The following PUS7 variants were observed in gnomAD, a reference collection of about 807,000 sequenced individuals.
PUS7 encodes the protein pseudouridine synthase 7, also known as pseudouridylate synthase 7 homolog.
A neutral mutation model predicts 79.8 loss-of-function variants in PUS7; 48 were observed. The ratio of observed to expected loss-of-function variants is 0.60; its 90% CI spans 0.48 to 0.76. The LOEUF (loss-of-function observed/expected upper bound fraction) is 0.76. Among genes scored for constraint, PUS7 ranks in the 30% least tolerant of loss-of-function variants. The probability of loss-of-function intolerance (pLI) is 0.00; values close to 1 mark genes in which losing one functional copy is unlikely to be tolerated. For synonymous variants in PUS7, 286 were observed against 272.2 expected (o/e 1.05, Z -0.50); for missense variants, 729 against 797.6 (o/e 0.91, Z 1.04).
intron 1 of PUS7, among the ~76,000 whole-genome samples, chr7:105,515,572 T>C (rs1203859305): frequency 6.6e-6 from 1 of 152,210 alleles, no homozygotes; most frequent in African/African-American, 2.4e-5. Flanking sequence ...CTAAACTCAC[T>C]TTTAAATTTC....
chr7:105,482,490 A>G, intron 7 of PUS7, 50 bp from the exon 8 acceptor site: 1 of 1,523,412 alleles, frequency 6.6e-7, no homozygotes, highest in South Asian at 1.2e-5. Context: ...TAGAAAGAGG[A>G]TCATGAGATA....
intron 5 of PUS7, among the ~76,000 whole-genome samples, chr7:105,498,499 G>T (rs1320001918): frequency 1.3e-5 from 2 of 152,192 alleles, no homozygotes; most frequent in African/African-American, 4.8e-5. Context: ...TCCCAGTCTA[G>T]CAGAAATGGA....
chr7:105,476,086 T>C (rs551033021), intron 9 of PUS7, among the ~76,000 whole-genome samples: 63 of 129,606 alleles, frequency 4.9e-4, no homozygotes, highest in Admixed American at 1.1e-3. Flanking sequence ...ATGGCGCCAC[T>C]GCACTCCAGC....
At chr7:105,473,974 T>C (rs1249450547) in intron 9 of PUS7, among the ~76,000 whole-genome samples, 2 of 152,258 alleles carry the variant, frequency 1.3e-5, no homozygotes, top group African/African-American at 2.4e-5. Flanking sequence ...TATAAGTGTA[T>C]GTAATTCTTC....
rs552629006 is a variant in PUS7 at position 105,474,657 on chromosome 7, T to C, written c.1176-2464A>G. 1.0e-3 allele frequency among the ~76,000 whole-genome samples: 152 copies of C among 150,602 alleles called. 1 individual carries two copies. The highest frequency in any genetic ancestry group is 1.7e-3 in the Non-Finnish European group (113 of 67,804). ...ATAATCGGGCGTGGTGGCACGTGCC[T>C]GTAGTCCCAGCTACTTGGGAGGCTG... On this transcript the variant is annotated intron_variant, in intron 9 of 15. Transcript: ENST00000469408.
At chr7:105,516,182 T>G (rs1178881056) in intron 1 of PUS7, among the ~76,000 whole-genome samples, 1 of 152,028 alleles carries the variant, frequency 6.6e-6, no homozygotes, top group Middle Eastern at 3.2e-3. Flanking sequence ...TGGCCTCAAG[T>G]GATCCACCCA....
At chr7:105,502,644 A>G in intron 4 of PUS7, 80 bp from the exon 5 acceptor site, 1 of 1,439,804 alleles carries the variant, frequency 6.9e-7, no homozygotes, top group Non-Finnish European at 9.6e-7. Context: ...TAGTAAAAAC[A>G]CTGCTCACCT....
At chr7:105,483,060 G>A (rs965954766) in intron 7 of PUS7, among the ~76,000 whole-genome samples, 4 of 152,066 alleles carry the variant, frequency 2.6e-5, no homozygotes, top group Non-Finnish European at 5.9e-5. Context: ...ATTTTCATTA[G>A]AAATTCCTTG....
chr7:105,511,070 C>T (rs551019713), intron 1 of PUS7, among the ~76,000 whole-genome samples: 4 of 145,118 alleles, frequency 2.8e-5, no homozygotes, highest in Admixed American at 2.8e-4. Flanking sequence ...CTCGCTCTGT[C>T]GCCCAGGCTG....
chr7:105,513,582 G>A (rs1296043823), intron 1 of PUS7, among the ~76,000 whole-genome samples: 1 of 151,626 alleles, frequency 6.6e-6, no homozygotes. Context: ...CACTTTGGGA[G>A]GCCAAGGCAG....
chr7:105,491,652 A>G, intron 6 of PUS7, 35 bp from the exon 7 acceptor site: 1 of 1,177,656 alleles, frequency 8.5e-7, no homozygotes, highest in Non-Finnish European at 1.3e-6. Context: ...CTGAAGTCAC[A>G]TACTGTAATA....
chr7:105,492,726 C>T (rs1474907464), intron 6 of PUS7, among the ~76,000 whole-genome samples: 5 of 151,762 alleles, frequency 3.3e-5, no homozygotes, highest in Non-Finnish European at 7.4e-5. Context: ...CCGGGATGGT[C>T]TCGATCTCCT....
intron 1 of PUS7, among the ~76,000 whole-genome samples, chr7:105,511,829 GATTGAAA>G (rs1825713675): frequency 6.6e-6 from 1 of 151,260 alleles, no homozygotes; most frequent in African/African-American, 2.4e-5. Flanking sequence ...GGAGAGAAGG[GATTGAAA>G]AAAATGTCAG....
At chr7:105,480,331 T>G (rs1367609712) in intron 9 of PUS7, among the ~76,000 whole-genome samples, 1 of 151,692 alleles carries the variant, frequency 6.6e-6, no homozygotes, top group Non-Finnish European at 1.5e-5. Flanking sequence ...CAAAGTTAGC[T>G]GGATGTGGTG....
chr7:105,495,108 T>C, intron 6 of PUS7, 34 bp downstream of exon 6: 1 of 1,276,828 alleles, frequency 7.8e-7, no homozygotes, highest in Non-Finnish European at 1.1e-6. Context: ...TTCTGTTGCT[T>C]TGATTTTGTA....
At chr7:105,505,595 A>C (rs960891576) in intron 4 of PUS7, among the ~76,000 whole-genome samples, 4 of 152,018 alleles carry the variant, frequency 2.6e-5, no homozygotes, top group Non-Finnish European at 5.9e-5. Context: ...GTGGTCCCTA[A>C]ATTTTTTTTT....
In PUS7 at chr7:105,508,239, C is replaced by A; in HGVS notation, c.274G>T (p.Glu92Ter). ...EEEEEDGLSE[E>*]CEEEESESFA... ...CTCTCTGATTCCTCCTCCTCGCACT[C>A]CTCTGAAAGTCCATCTTCCTCCTCT... The change falls in exon 2 of 16, where the codon GAG (glutamate) becomes TAG (stop). Residue 92 changes from glutamate to a stop codon, truncating the protein, a stop_gained. Transcript: ENST00000469408. LOFTEE classifies it high-confidence loss of function. The A allele has an allele frequency of 1.2e-6, 2 of 1,614,148 alleles. No individual in the cohort carries two copies. Among genetic ancestry groups the A allele is most frequent in the Non-Finnish European group, 1.7e-6 (2 of 1,180,014 alleles).
intron 5 of PUS7, 143 bp from the exon 6 acceptor site, chr7:105,495,396 G>T: frequency 1.8e-6 from 1 of 548,358 alleles, no homozygotes. Context: ...TAGCTGTGTG[G>T]ACTAGAGGTA....
chr7:105,504,114 G>A (rs150686738), intron 4 of PUS7, among the ~76,000 whole-genome samples: 4,701 of 141,766 alleles, frequency 0.033, 145 homozygotes, highest in South Asian at 0.073. Context: ...TTGTTGCCCA[G>A]GCTGGAGTGC....
Sources: allele counts gnomAD v4.1 joint callset (sites outside exome capture counted in the v4.1 genomes callset), GRCh38; gene constraint gnomAD v4.1.1; transcripts MANE v1.5; gene names NCBI Gene and HGNC (gene_info 2026-07-23, HGNC 2026-07-21).